Variants in ULK4 observed in about 807,000 individuals in gnomAD.
ULK4 encodes the protein inactive serine/threonine-protein kinase ULK4.
In ULK4, 133 loss-of-function variants were observed where a neutral mutation model predicts 160.6. That is an observed-to-expected ratio of 0.83 (90% CI 0.72 to 0.96). The LOEUF (loss-of-function observed/expected upper bound fraction) is 0.96. Ranked by LOEUF, ULK4 falls within the 40% of genes least tolerant of loss-of-function variation. ULK4 has a pLI of 0.00. For synonymous variants in ULK4, 534 were observed against 539.8 expected, an observed-to-expected ratio of 0.99 and a Z score of 0.15; for missense variants, 1,580 against 1,499.5, an observed-to-expected ratio of 1.05 and a Z score of -0.89.
Position 41,883,926 on chromosome 3 carries a change from C to T in ULK4, c.1604G>A (p.Gly535Asp). 6.2e-7 allele frequency: 1 copy of T among 1,611,154 alleles called. No individual in the cohort carries two copies. Among genetic ancestry groups the T allele is most frequent in the Non-Finnish European group, 8.5e-7 (1 of 1,177,224 alleles). Residue 535 changes from glycine (G) to aspartate (D), a missense_variant, in exon 17 of 37, where the codon GGT becomes GAT. Physicochemically the swap from Gly to Asp is moderately conservative, Grantham distance 94. Coordinates refer to ENST00000301831, the MANE Select transcript of ULK4 (RefSeq NM_017886.4). ...DIRAKVAHVI[G>D]LLASHTAELQ... ...CTCAGCTGTGTGCGAAGCCAGTAAA[C>T]CAATTACGTGAGCAACCTTGGCCCG...
chr3:41,572,578 G>T (rs2088017614), intron 31 of ULK4, among the ~76,000 whole-genome samples: 1 of 148,546 alleles, frequency 6.7e-6, no homozygotes, highest in South Asian at 2.2e-4. Context: ...GGCTAACATG[G>T]TGAAACCCTG....
chr3:41,284,182 C>T (rs2079416953), intron 35 of ULK4, among the ~76,000 whole-genome samples: 2 of 152,070 alleles, frequency 1.3e-5, no homozygotes, highest in African/African-American at 4.8e-5. Flanking sequence ...AAGCAATCTA[C>T]AAATTCAATG....
At position 41,317,820 on chromosome 3, in the gene ULK4, A is replaced by G. The variant is rs530264440; in HGVS notation, c.3679-68246T>C. Among the ~76,000 whole-genome samples the G allele has an allele frequency of 2.0e-5, 3 of 152,328 alleles. 1 individual carries two copies. In the South Asian group the frequency reaches 6.2e-4, roughly 32 times the overall value. On this transcript the variant is annotated intron_variant, in intron 35 of 36. Coordinates refer to ENST00000301831, the MANE Select transcript of ULK4 (RefSeq NM_017886.4). Reference sequence around the variant, plus strand: ...CCAGTGCTATCCAAACCACAGACTGAGGCTCTGCCACCACCAGAATACCTT... The same window carrying G: ...CCAGTGCTATCCAAACCACAGACTGGGGCTCTGCCACCACCAGAATACCTT...
intron 30 of ULK4, among the ~76,000 whole-genome samples, chr3:41,639,306 A>G (rs1014073975): frequency 6.6e-5 from 10 of 152,240 alleles, no homozygotes; most frequent in African/African-American, 2.4e-4. Context: ...TCAGTGCTGC[A>G]TATTTTAACA....
intron 16 of ULK4, among the ~76,000 whole-genome samples, chr3:41,892,521 G>T (rs531962408): frequency 6.6e-6 from 1 of 152,196 alleles, no homozygotes; most frequent in Admixed American, 6.5e-5. Context: ...CCTTAAAAAG[G>T]AATGAAATGC....
At chr3:41,498,759 C>T (rs1482675783) in intron 32 of ULK4, among the ~76,000 whole-genome samples, 1 of 151,938 alleles carries the variant, frequency 6.6e-6, no homozygotes, top group African/African-American at 2.4e-5. Context: ...TCATGCCCAG[C>T]TAATTTTTTA....
chr3:41,897,140 A>G lies in ULK4; in HGVS notation c.1349-137T>C, dbSNP rs561236615. 9 of 685,792 alleles carry G rather than the reference A, an allele frequency of 1.3e-5. No individual in the cohort carries two copies. In the South Asian group the frequency reaches 1.6e-4, roughly 12 times the overall value. The allele number at this position is 685,792 out of a possible 1,614,324, so 42.5% of individuals were successfully genotyped here. On this transcript the variant is annotated intron_variant, in intron 14 of 36. Transcript: ENST00000301831. The stretch of plus-strand genomic sequence containing the variant: ...ACACTGTCAAAACCAAAAATACTCC[A>G]AAGATGACACTATTTTTATTCGTCC...
chr3:41,803,555 T>C lies in ULK4; in HGVS notation c.1849-3262A>G, dbSNP rs527477669. Among the ~76,000 whole-genome samples, 9 of 152,272 alleles carry C rather than the reference T, an allele frequency of 5.9e-5. No homozygotes were observed. The East Asian group carries it at 1.7e-3, about 29-fold the overall frequency. ...AATGTGCAGGTTAGTTACATATGTA[T>C]ACATGTGCCATGCTGGTGTGCTGCA... is the stretch of plus-strand genomic sequence containing the variant. On this transcript the variant is annotated intron_variant, in intron 19 of 36. Transcript: ENST00000301831.
intron 27 of ULK4, among the ~76,000 whole-genome samples, chr3:41,685,598 T>G (rs2036074564): frequency 6.6e-6 from 1 of 152,236 alleles, no homozygotes; most frequent in Non-Finnish European, 1.5e-5. Flanking sequence ...CTTGTTGCCA[T>G]TGGCCAGACC....
rs548226541 is a variant in ULK4 at position 41,649,853 on chromosome 3, G to A, written c.3071+13754C>T. On this transcript the variant is annotated intron_variant, in intron 30 of 36. Coordinates refer to ENST00000301831, the MANE Select transcript of ULK4 (RefSeq NM_017886.4). Reference sequence around the variant, plus strand: ...ATAGCCTGAAGCCTGGTGACCGGCTGCCAGTTCCAGGTAGAGTACATGGCC... The same window carrying A: ...ATAGCCTGAAGCCTGGTGACCGGCTACCAGTTCCAGGTAGAGTACATGGCC... 9.2e-4 allele frequency among the ~76,000 whole-genome samples: 140 copies of A among 152,360 alleles called. 2 individuals are homozygous for A. Among genetic ancestry groups the A allele is most frequent in the African/African-American group, 3.2e-3 (135 of 41,588 alleles).
At chr3:41,569,344 A>C (rs972200028) in intron 31 of ULK4, among the ~76,000 whole-genome samples, 3 of 152,152 alleles carry the variant, frequency 2.0e-5, no homozygotes, top group African/African-American at 7.2e-5. Context: ...ACAAGCCACC[A>C]TCCTGAAGCT....
intron 18 of ULK4, among the ~76,000 whole-genome samples, chr3:41,822,360 C>T (rs765636687): frequency 1.3e-5 from 2 of 152,158 alleles, no homozygotes; most frequent in East Asian, 1.9e-4. Flanking sequence ...CTTAATAGTG[C>T]TTAGTGGAAG....
chr3:41,732,133 T>C (rs2037849033), intron 22 of ULK4, among the ~76,000 whole-genome samples: 1 of 152,126 alleles, frequency 6.6e-6, no homozygotes, highest in Non-Finnish European at 1.5e-5. Flanking sequence ...CAAATGAGAT[T>C]GCATCAAACT....
intron 22 of ULK4, among the ~76,000 whole-genome samples, chr3:41,752,104 C>A (rs1290020617): frequency 6.6e-6 from 1 of 152,174 alleles, no homozygotes; most frequent in Non-Finnish European, 1.5e-5. Flanking sequence ...TACTCTAGCT[C>A]CTATATAGAA....
intron 17 of ULK4, among the ~76,000 whole-genome samples, chr3:41,875,217 G>C (rs1697257282): frequency 6.6e-6 from 1 of 152,022 alleles, no homozygotes; most frequent in Non-Finnish European, 1.5e-5. Context: ...AAACAATAAT[G>C]GTGAAAATAA....
At chr3:41,771,689 C>G (rs946948254) in intron 21 of ULK4, among the ~76,000 whole-genome samples, 2 of 152,168 alleles carry the variant, frequency 1.3e-5, no homozygotes, top group African/African-American at 2.4e-5. Flanking sequence ...CACACACAAA[C>G]CCCTCAAAGA....
intron 35 of ULK4, among the ~76,000 whole-genome samples, chr3:41,277,192 T>C (rs973139032): frequency 6.6e-6 from 1 of 152,132 alleles, no homozygotes; most frequent in South Asian, 2.1e-4. Flanking sequence ...TTGGTACCAA[T>C]CCTTTTGACA....
At chr3:41,608,848 T>C (rs9850226) in intron 31 of ULK4, among the ~76,000 whole-genome samples, 37,773 of 152,124 alleles carry the variant, frequency 0.25, 4,911 homozygotes, top group Admixed American at 0.29. Flanking sequence ...TTCCAGTTCC[T>C]GAATCAATTA....
At chr3:41,459,564 T>C (rs915759101) in intron 33 of ULK4, among the ~76,000 whole-genome samples, 1 of 152,224 alleles carries the variant, frequency 6.6e-6, no homozygotes, top group Non-Finnish European at 1.5e-5. Flanking sequence ...GGATGACAAG[T>C]TCCAAATAAC....
Sources: gnomAD v4.1 joint callset for allele counts (sites outside exome capture counted in the v4.1 genomes callset) on GRCh38, gnomAD v4.1.1 for gene constraint, MANE v1.5 for transcripts, NCBI Gene and HGNC (gene_info 2026-07-23, HGNC 2026-07-21) for gene names.